The following CFAP61 variants were observed in gnomAD, a reference collection of about 807,000 sequenced individuals.
CFAP61 encodes cilia- and flagella-associated protein 61.
In CFAP61, 107 loss-of-function variants were observed where a neutral mutation model predicts 135.6. The ratio of observed to expected loss-of-function variants is 0.79; its 90% confidence interval spans 0.67 to 0.93. CFAP61 has a LOEUF of 0.93. Ranked by LOEUF, CFAP61 falls within the 40% of genes least tolerant of loss-of-function variation. The pLI is 0.00. For missense variants in CFAP61, 1,507 were observed against 1,556.2 expected, an observed-to-expected ratio of 0.97 and a Z score of 0.53; for synonymous variants, 575 against 578.5, an observed-to-expected ratio of 0.99 and a Z score of 0.09.
chr20:20,117,507 A>G (rs984702970), intron 8 of CFAP61, among the ~76,000 whole-genome samples: 4 of 152,154 alleles, frequency 2.6e-5, no homozygotes, highest in African/African-American at 9.7e-5. Context: ...AGTACATTTT[A>G]AAGTCAGGTA....
chr20:20,106,958 A>G (rs1242404933), intron 8 of CFAP61, among the ~76,000 whole-genome samples: 2 of 152,222 alleles, frequency 1.3e-5, no homozygotes, highest in Non-Finnish European at 1.5e-5. Context: ...GTTAGTTGCT[A>G]GAAAACACGG....
chr20:20,314,220 C>CAAAA (rs74180988), intron 25 of CFAP61, among the ~76,000 whole-genome samples: 4 of 95,360 alleles, frequency 4.2e-5, no homozygotes, highest in African/African-American at 1.2e-4. Context: ...CCCATCTCTA[C>CAAAA]AAAAAAAAAA....
intron 6 of CFAP61, among the ~76,000 whole-genome samples, chr20:20,081,011 A>G (rs995642020): frequency 1.3e-5 from 2 of 152,064 alleles, no homozygotes; most frequent in Non-Finnish European, 2.9e-5. Context: ...AAAAAAAAAA[A>G]GAAAAGAAAA....
chr20:20,356,656 A>G lies in CFAP61; in HGVS notation c.3514-3554A>G, dbSNP rs112232939. On this transcript the variant is annotated intron_variant, in intron 26 of 26. Coordinates refer to ENST00000245957, the MANE Select transcript of CFAP61 (RefSeq NM_015585.4). ...AGAGGAGGTGGTCACACTGAGGGGA[A>G]GTGGTCACACTGAGGGGAGGTGGTC... 1.3e-4 allele frequency among the ~76,000 whole-genome samples: 3 copies of G among 23,638 alleles called. 1 individual carries two copies. Among genetic ancestry groups the G allele is most frequent in the Non-Finnish European group, 1.9e-4 (2 of 10,418 alleles). 15.5% of individuals were successfully genotyped at this position (23,638 alleles called of 152,430 possible). A position where few individuals can be genotyped will look rare whatever the true frequency, so the allele number is the denominator to read the frequency against.
intron 16 of CFAP61, 124 bp downstream of exon 16, chr20:20,196,900 C>A: frequency 1.2e-6 from 1 of 826,838 alleles, no homozygotes; most frequent in Non-Finnish European, 2.0e-6. Context: ...TCTGAATTTC[C>A]AATGGCCATA....
chr20:20,326,665 A>C (rs1001890561), intron 25 of CFAP61, among the ~76,000 whole-genome samples: 1 of 152,220 alleles, frequency 6.6e-6, no homozygotes, highest in African/African-American at 2.4e-5. Context: ...CTTTTTCTAC[A>C]GAGAATTCAG....
intron 6 of CFAP61, among the ~76,000 whole-genome samples, chr20:20,078,760 G>T (rs2046231714): frequency 6.6e-6 from 1 of 152,168 alleles, no homozygotes; most frequent in Non-Finnish European, 1.5e-5. Context: ...AGTGGCAAAA[G>T]ATGCAGGGAA....
chr20:20,175,174 A>G (rs2054518796), intron 13 of CFAP61, among the ~76,000 whole-genome samples: 1 of 152,234 alleles, frequency 6.6e-6, no homozygotes, highest in African/African-American at 2.4e-5. Context: ...AAAGAAGGCC[A>G]TCAGGGTGGG....
chr20:20,329,292 A>G (rs1488540957), intron 25 of CFAP61, among the ~76,000 whole-genome samples: 1 of 152,006 alleles, frequency 6.6e-6, no homozygotes, highest in Non-Finnish European at 1.5e-5. Context: ...CCCACTTTGG[A>G]CTTCTGCAGG....
chr20:20,054,587 C>T (rs1025317044), intron 1 of CFAP61, among the ~76,000 whole-genome samples: 11 of 152,208 alleles, frequency 7.2e-5, no homozygotes, highest in Non-Finnish European at 1.5e-4. Context: ...TCATTTGTGC[C>T]GATATTGTCT....
At chr20:20,252,675 G>C (rs2051037927) in intron 20 of CFAP61, among the ~76,000 whole-genome samples, 1 of 152,174 alleles carries the variant, frequency 6.6e-6, no homozygotes, top group African/African-American at 2.4e-5. Context: ...ACCCCACTTA[G>C]ACCATCTTGT....
At chr20:20,322,886 G>A (rs1220898332) in intron 25 of CFAP61, 1 of 985,340 alleles carries the variant, frequency 1.0e-6, no homozygotes, top group African/African-American at 1.7e-5. Context: ...CACAAAATCT[G>A]TTCTTCCTTG....
At chr20:20,103,722 C>T (rs766994247) in intron 8 of CFAP61, among the ~76,000 whole-genome samples, 12 of 152,290 alleles carry the variant, frequency 7.9e-5, no homozygotes, top group Admixed American at 2.0e-4. Context: ...CAGTTGGCCG[C>T]AGCACTGGCC....
intron 9 of CFAP61, 57 bp downstream of exon 9, chr20:20,143,005 G>T: frequency 6.8e-6 from 7 of 1,025,794 alleles, no homozygotes; most frequent in Non-Finnish European, 1.0e-5. Context: ...GGGGCTACCT[G>T]TGACATCAGG....
At chr20:20,202,756 G>A (rs1021000071) in intron 17 of CFAP61, among the ~76,000 whole-genome samples, 25 of 150,240 alleles carry the variant, frequency 1.7e-4, no homozygotes, top group African/African-American at 5.6e-4. Context: ...ATCTCCCACC[G>A]CCCCCCCGCC....
chr20:20,337,616 GTGGGTGGATGGATGGA>G (rs2058277871), intron 25 of CFAP61, among the ~76,000 whole-genome samples: 1 of 2,894 alleles, frequency 3.5e-4, no homozygotes, highest in African/African-American at 3.9e-4. Flanking sequence ...AGATGGGTGG[GTGGGTGGATGGATGGA>G]TGGATGGATA....
intron 18 of CFAP61, among the ~76,000 whole-genome samples, chr20:20,232,377 A>C (rs1000210469): frequency 6.6e-6 from 1 of 151,486 alleles, no homozygotes; most frequent in African/African-American, 2.4e-5. Flanking sequence ...TGCTATAGCA[A>C]AATAGAAAAA....
At chr20:20,070,798 C>T in intron 2 of CFAP61, 56 bp from the exon 3 acceptor site, 1 of 1,516,918 alleles carries the variant, frequency 6.6e-7, no homozygotes, top group Non-Finnish European at 9.0e-7. Flanking sequence ...AATGGCATGT[C>T]CTCACCTCAC....
At chr20:20,108,648 A>G (rs967614362) in intron 8 of CFAP61, among the ~76,000 whole-genome samples, 3 of 152,248 alleles carry the variant, frequency 2.0e-5, no homozygotes, top group Non-Finnish European at 4.4e-5. Context: ...TAGAAGTGGC[A>G]ATAGAGCAAC....
Sources: gnomAD v4.1 joint callset for allele counts (sites outside exome capture counted in the v4.1 genomes callset) on GRCh38, gnomAD v4.1.1 for gene constraint, MANE v1.5 for transcripts, NCBI Gene and HGNC (gene_info 2026-07-23, HGNC 2026-07-21) for gene names.